The following OPHN1 variants were observed in gnomAD, a reference collection of about 807,000 sequenced individuals.
The protein encoded by OPHN1 is oligophrenin-1.
In OPHN1, 11 loss-of-function variants were observed where a neutral mutation model predicts 60.7. The ratio of observed to expected loss-of-function variants is 0.18; its 90% confidence interval spans 0.11 to 0.30. The LOEUF (loss-of-function observed/expected upper bound fraction) is 0.30. OPHN1 is among the 10% of genes least tolerant of loss of function. The probability of loss-of-function intolerance (pLI) is 1.00; values close to 1 mark genes in which losing one functional copy is unlikely to be tolerated. For missense variants in OPHN1, 449 were observed against 611.0 expected, an observed-to-expected ratio of 0.73 and a Z score of 2.80; for synonymous variants, 226 against 222.6, an observed-to-expected ratio of 1.02 and a Z score of -0.14.
intron 5 of OPHN1, among the ~76,000 whole-genome samples, chrX:68,268,610 T>G (rs1261033561): frequency 9.0e-6 from 1 of 111,535 alleles, no homozygotes; most frequent in Non-Finnish European, 1.9e-5. Context: ...AAGAGCTATC[T>G]ATGACAAACC....
At chrX:68,145,896 AC>A (rs748931659) in intron 15 of OPHN1, among the ~76,000 whole-genome samples, 57 of 111,423 alleles carry the variant, frequency 5.1e-4, no homozygotes, top group African/African-American at 1.7e-3. Flanking sequence ...ATAGGCCTTT[AC>A]CTGTTTTTGT....
intron 14 of OPHN1, among the ~76,000 whole-genome samples, chrX:68,193,299 A>T (rs1314224649): frequency 1.8e-5 from 2 of 112,299 alleles, no homozygotes; most frequent in East Asian, 5.6e-4. Flanking sequence ...AAAGAAGTTC[A>T]TTCAATTGAA....
At chrX:68,249,556 C>A (rs2077823277) in intron 5 of OPHN1, among the ~76,000 whole-genome samples, 1 of 111,822 alleles carries the variant, frequency 8.9e-6, no homozygotes, top group South Asian at 3.8e-4. Context: ...GGCTCTGGAT[C>A]AGCAAATCTC....
chrX:68,176,973 CATATAT>C (rs59326514), intron 15 of OPHN1, among the ~76,000 whole-genome samples: 1 of 99,161 alleles, frequency 1.0e-5, no homozygotes, highest in Non-Finnish European at 2.0e-5. Context: ...TTTATATATA[CATATAT>C]ATATATATAT....
At chrX:68,354,766 A>C (rs1386802824) in intron 2 of OPHN1, among the ~76,000 whole-genome samples, 3 of 110,633 alleles carry the variant, frequency 2.7e-5, no homozygotes, top group East Asian at 2.8e-4. Flanking sequence ...AAAAAAAAAA[A>C]AAAACTAAAA....
rs749687041 is a variant in OPHN1, at chrX:68,228,486, G to A, written c.486+6001C>T. 2.3e-4 allele frequency among the ~76,000 whole-genome samples: 26 copies of A among 111,582 alleles called. No individual in the cohort carries two copies. The East Asian group carries it at 7.1e-3, about 30-fold the overall frequency. ...AAGAGAATTTTAGACCAATATCCCT[G>A]ATGAACATCAATGTAAAAATCCTCA... On this transcript the variant is annotated intron_variant, in intron 6 of 24. Coordinates refer to ENST00000355520, the MANE Select transcript of OPHN1 (RefSeq NM_002547.3).
chrX:68,282,302 C>T (rs951645230), intron 4 of OPHN1, among the ~76,000 whole-genome samples: 3 of 111,604 alleles, frequency 2.7e-5, no homozygotes, highest in African/African-American at 9.8e-5. Flanking sequence ...GAAATGGCTA[C>T]ATACTGTTTG....
At chrX:68,091,261 T>G (rs2077016956) in intron 19 of OPHN1, among the ~76,000 whole-genome samples, 1 of 111,597 alleles carries the variant, frequency 9.0e-6, no homozygotes, top group African/African-American at 3.3e-5. Flanking sequence ...ACTGATTCCA[T>G]GTTCACTGAA....
chrX:68,354,432 G>A (rs1344230446), intron 2 of OPHN1, among the ~76,000 whole-genome samples: 1 of 83,495 alleles, frequency 1.2e-5, no homozygotes, highest in Non-Finnish European at 2.2e-5. Context: ...CAGCCTGGGC[G>A]ACAGAGTAAG....
At chrX:68,288,557 G>A (rs1056794527) in intron 3 of OPHN1, among the ~76,000 whole-genome samples, 2 of 111,249 alleles carry the variant, frequency 1.8e-5, no homozygotes, top group East Asian at 5.7e-4. Context: ...GAGGTCAGAC[G>A]TTCAAGACCA....
At chrX:68,177,649 G>A (rs2147431982) in intron 15 of OPHN1, among the ~76,000 whole-genome samples, 1 of 111,402 alleles carries the variant, frequency 9.0e-6, no homozygotes, top group Non-Finnish European at 1.9e-5. Flanking sequence ...CATGGTAGAA[G>A]ATGAAGGGGG....
intron 19 of OPHN1, among the ~76,000 whole-genome samples, chrX:68,093,856 G>A (rs190214907): frequency 5.9e-4 from 65 of 110,123 alleles, no homozygotes; most frequent in African/African-American, 1.9e-3. Context: ...TCCAAATCTC[G>A]GTAGCTTTTT....
chrX:68,429,260 T>TA (rs1474153611), intron 2 of OPHN1, among the ~76,000 whole-genome samples: 2 of 109,059 alleles, frequency 1.8e-5, no homozygotes, highest in African/African-American at 6.7e-5. Flanking sequence ...CCGTCTCTAC[T>TA]AAAAAAAATA....
intron 19 of OPHN1, among the ~76,000 whole-genome samples, chrX:68,075,672 C>A: frequency 9.3e-6 from 1 of 107,122 alleles, no homozygotes; most frequent in East Asian, 2.9e-4. Context: ...ATAGAAAGCC[C>A]AGAAATAGAC....
intron 2 of OPHN1, among the ~76,000 whole-genome samples, chrX:68,400,079 T>C (rs894513414): frequency 9.0e-6 from 1 of 111,103 alleles, no homozygotes; most frequent in Non-Finnish European, 1.9e-5. Flanking sequence ...TCAGACTGAC[T>C]CTGGGCTACC....
chrX:68,270,804 T>C (rs1364707525), intron 5 of OPHN1, among the ~76,000 whole-genome samples: 3 of 111,565 alleles, frequency 2.7e-5, no homozygotes, highest in Admixed American at 1.9e-4. Context: ...TCCATTGTTC[T>C]TGTTGTCATG....
chrX:68,429,192 G>A (rs367938351), intron 2 of OPHN1, among the ~76,000 whole-genome samples: 1 of 110,401 alleles, frequency 9.1e-6, no homozygotes, highest in Non-Finnish European at 1.9e-5. Context: ...GAGGCCAAGG[G>A]GGGGCGGACT....
At chrX:68,338,801 G>A (rs749719972) in intron 2 of OPHN1, among the ~76,000 whole-genome samples, 26 of 111,326 alleles carry the variant, frequency 2.3e-4, no homozygotes, top group Admixed American at 4.9e-4. Context: ...AATTCTGGGC[G>A]CAGTGGCTCA....
At chrX:68,132,350 C>T (rs1487736656) in intron 15 of OPHN1, among the ~76,000 whole-genome samples, 1 of 106,176 alleles carries the variant, frequency 9.4e-6, no homozygotes, top group Non-Finnish European at 1.9e-5. Context: ...ACATATACAC[C>T]ATGGAATACT....
Sources: allele counts gnomAD v4.1 joint callset (sites outside exome capture counted in the v4.1 genomes callset), GRCh38; gene constraint gnomAD v4.1.1; transcripts MANE v1.5; gene names NCBI Gene and HGNC (gene_info 2026-07-23, HGNC 2026-07-21).